Variants in SH3GL3 observed in about 807,000 individuals in gnomAD.
The protein encoded by SH3GL3 is SH3 domain containing GRB2 like 3, endophilin A3.
A neutral mutation model predicts 47.7 loss-of-function variants in SH3GL3; 33 were observed. The observed-to-expected ratio is 0.69, with a 90% CI of 0.52 to 0.92. The LOEUF (loss-of-function observed/expected upper bound fraction) is 0.92. SH3GL3 is among the 40% of genes least tolerant of loss of function. The pLI is 0.00. For synonymous variants in SH3GL3, 155 were observed against 148.8 expected (o/e 1.04, Z -0.30); for missense variants, 363 against 417.8 (o/e 0.87, Z 1.14).
In SH3GL3 at chr15:83,525,057, AT is replaced by A. The variant is rs1049622066; in HGVS notation, c.46-34191del. On this transcript the variant is annotated intron_variant, in intron 1 of 8. Transcript: ENST00000427482. ...GATTGTTGGATTGTATGGTAGTTCT[AT>A]TTTTAGTTTTTTGAGAAATCTCCAT... 4.1e-4 allele frequency among the ~76,000 whole-genome samples: 63 copies of A among 152,178 alleles called. 1 individual carries two copies. The highest frequency in any genetic ancestry group is 1.5e-3 in the African/African-American group (62 of 41,540).
At chr15:83,475,187 A>G (rs981235082) in intron 1 of SH3GL3, among the ~76,000 whole-genome samples, 18 of 151,866 alleles carry the variant, frequency 1.2e-4, no homozygotes, top group African/African-American at 4.3e-4. Flanking sequence ...GTTTTAAAAA[A>G]GTTAACTAGG....
chr15:83,622,418 A>C (rs2060917580), downstream of SH3GL3, among the ~76,000 whole-genome samples: 1 of 152,258 alleles, frequency 6.6e-6, no homozygotes, highest in Non-Finnish European at 1.5e-5. Flanking sequence ...ACTGCAGACT[A>C]TTCTCAATGC....
chr15:83,532,959 T>C (rs1296138736), intron 1 of SH3GL3, among the ~76,000 whole-genome samples: 1 of 152,158 alleles, frequency 6.6e-6, no homozygotes, highest in African/African-American at 2.4e-5. Flanking sequence ...CTACCTGTAG[T>C]CACAAGGAAT....
At chr15:83,538,398 G>T (rs1189324933) in intron 1 of SH3GL3, among the ~76,000 whole-genome samples, 1 of 152,178 alleles carries the variant, frequency 6.6e-6, no homozygotes, top group Non-Finnish European at 1.5e-5. Flanking sequence ...ATATAGGAAA[G>T]TGACAGACCA....
intron 1 of SH3GL3, among the ~76,000 whole-genome samples, chr15:83,493,468 G>A (rs548614924): frequency 2.1e-4 from 32 of 152,244 alleles, no homozygotes; most frequent in African/African-American, 7.5e-4. Flanking sequence ...CCATGTTACC[G>A]TGACACATCG....
At chr15:83,549,355 C>T (rs1355332610) in intron 1 of SH3GL3, among the ~76,000 whole-genome samples, 1 of 152,140 alleles carries the variant, frequency 6.6e-6, no homozygotes, top group African/African-American at 2.4e-5. Context: ...AATGTATCTT[C>T]CTCCAGAGAT....
chr15:83,474,379 G>C (rs558140930), intron 1 of SH3GL3, among the ~76,000 whole-genome samples: 35 of 152,224 alleles, frequency 2.3e-4, no homozygotes, highest in African/African-American at 8.4e-4. Flanking sequence ...TTGGAGGGAG[G>C]ATGCTAAAAA....
rs71156081 is a variant in SH3GL3 at position 83,448,442 on chromosome 15, ATGTGTGTGTGTGTGTGTGTGTG to A, written c.45+882_45+903del. Among the ~76,000 whole-genome samples, 1 of 140,642 alleles carries A rather than the reference ATGTGTGTGTGTGTGTGTGTGTG, an allele frequency of 7.1e-6. No individual in the cohort carries two copies. The highest frequency in any genetic ancestry group is 1.5e-5 in the Non-Finnish European group (1 of 65,554). The allele number at this position is 140,642 out of a possible 152,430, so 92.3% of individuals were successfully genotyped here. A position where few individuals can be genotyped will look rare whatever the true frequency, so the allele number is the denominator to read the frequency against. ...AAACAGGAGGGGAGACATGAAATTG[ATGTGTGTGTGTGTGTGTGTGTG>A]TGTGTGTGTGTGTGTGTTGATGACA... On this transcript the variant is annotated intron_variant, in intron 1 of 8. Transcript: ENST00000427482. The surrounding 1 kb of genome is among the most constrained non-coding windows in gnomAD (Gnocchi z 4.2).
chr15:83,504,441 C>A (rs1001941528), intron 1 of SH3GL3, among the ~76,000 whole-genome samples: 21 of 152,204 alleles, frequency 1.4e-4, no homozygotes, highest in African/African-American at 5.1e-4. Flanking sequence ...ATAGAATATA[C>A]AGAAACAGTG....
intron 1 of SH3GL3, among the ~76,000 whole-genome samples, chr15:83,449,008 G>T (rs1324410061): frequency 2.0e-5 from 3 of 152,142 alleles, no homozygotes; most frequent in Non-Finnish European, 2.9e-5. Flanking sequence ...TGCAGCTCAG[G>T]GGGTGAGGCT....
rs769624223 is a variant in SH3GL3 at position 83,618,236 on chromosome 15, G to A, written c.993G>A (p.Ser331=). Reference sequence around the variant, plus strand: ...ATGAAGGAATGATACACGGAGAATCGGGATTCTTCCCCATTAATTACGTGG... The same window carrying A: ...ATGAAGGAATGATACACGGAGAATCAGGATTCTTCCCCATTAATTACGTGG... The part of the protein sequence containing the change: ...NWYEGMIHGE[S]GFFPINYVEV... The change falls in exon 9 of 9, where the codon TCG becomes TCA. Residue 331 remains serine (S), a synonymous_variant. Transcript: ENST00000427482. The A allele has an allele frequency of 2.1e-5, 34 of 1,611,582 alleles. No individual in the cohort carries two copies. Among genetic ancestry groups the A allele is most frequent in the Non-Finnish European group, 2.6e-5 (31 of 1,177,810 alleles).
At chr15:83,497,815 A>G (rs2072874720) in intron 1 of SH3GL3, among the ~76,000 whole-genome samples, 2 of 152,298 alleles carry the variant, frequency 1.3e-5, no homozygotes, top group African/African-American at 4.8e-5. Flanking sequence ...TCCAGCAGGC[A>G]TTTGTGTCTT....
At chr15:83,627,331 A>G in the SH3GL3 span, among the ~76,000 whole-genome samples, 1 of 148,894 alleles carries the variant, frequency 6.7e-6, no homozygotes, top group East Asian at 2.0e-4. Flanking sequence ...CGGGAGGCAG[A>G]GTTTGCAGTG....
intron 1 of SH3GL3, among the ~76,000 whole-genome samples, chr15:83,481,029 A>G (rs2041326859): frequency 1.3e-5 from 2 of 152,116 alleles, no homozygotes; most frequent in East Asian, 3.9e-4. Flanking sequence ...TAATCCCAGC[A>G]CTTTGGGAGG....
chr15:83,554,298 C>T (rs1476214631), intron 1 of SH3GL3, among the ~76,000 whole-genome samples: 2 of 152,184 alleles, frequency 1.3e-5, no homozygotes, highest in African/African-American at 4.8e-5. Context: ...AGCGATTCTC[C>T]TGCCTCAGCC....
At chr15:83,526,036 T>G (rs1429727263) in intron 1 of SH3GL3, among the ~76,000 whole-genome samples, 1 of 152,178 alleles carries the variant, frequency 6.6e-6, no homozygotes, top group African/African-American at 2.4e-5. Flanking sequence ...ATTTTATGAC[T>G]GATGTTTCTA....
chr15:83,519,689 C>T (rs1186489284), intron 1 of SH3GL3, among the ~76,000 whole-genome samples: 1 of 152,144 alleles, frequency 6.6e-6, no homozygotes, highest in Non-Finnish European at 1.5e-5. Context: ...GCTAGGACTT[C>T]CTCTTCCACT....
chr15:83,536,481 G>A (rs927730044), intron 1 of SH3GL3, among the ~76,000 whole-genome samples: 4 of 145,032 alleles, frequency 2.8e-5, no homozygotes, highest in Non-Finnish European at 6.0e-5. Flanking sequence ...TTGGCTCACT[G>A]CAACCTCTGC....
chr15:83,602,477 G>T (rs991970679), intron 8 of SH3GL3, among the ~76,000 whole-genome samples: 2 of 152,142 alleles, frequency 1.3e-5, no homozygotes, highest in Non-Finnish European at 2.9e-5. Context: ...GGCAGAAGGG[G>T]CAAACAAGCT....
Sources: gnomAD v4.1 joint callset for allele counts (sites outside exome capture counted in the v4.1 genomes callset) on GRCh38, gnomAD v4.1.1 for gene constraint, Gnocchi (gnomAD v3.1) non-coding constraint, MANE v1.5 for transcripts, NCBI Gene and HGNC (gene_info 2026-07-23, HGNC 2026-07-21) for gene names.